COX15: variants seen among roughly 807,000 people sequenced by gnomAD.
COX15 encodes cytochrome c oxidase assembly factor COX15.
A neutral mutation model predicts 51.9 loss-of-function variants in COX15; 51 were observed. The ratio of observed to expected loss-of-function variants is 0.98; its 90% confidence interval spans 0.78 to 1.24. COX15 has a LOEUF of 1.24. COX15 is among the 50% of genes most tolerant of loss of function. The pLI is 0.00. For synonymous variants in COX15, 188 were observed against 190.5 expected (o/e 0.99, Z 0.11); for missense variants, 420 against 501.1 (o/e 0.84, Z 1.55).
intron 6 of COX15, among the ~76,000 whole-genome samples, chr10:99,719,081 CG>C (rs1344602973): frequency 6.6e-6 from 1 of 152,084 alleles, no homozygotes; most frequent in African/African-American, 2.4e-5. Flanking sequence ...TGACTGAATA[CG>C]GAAGTGAGAA....
chr10:99,704,397 C>T, the COX15 span: 1 of 1,558,144 alleles, frequency 6.4e-7, no homozygotes, highest in East Asian at 2.2e-5. Flanking sequence ...CAGTAAATGT[C>T]TCCCTTTGAA....
At chr10:99,699,086 T>C in the COX15 span, among the ~76,000 whole-genome samples, 1 of 152,232 alleles carries the variant, frequency 6.6e-6, no homozygotes, top group Non-Finnish European at 1.5e-5. Flanking sequence ...ATGGATGTCA[T>C]ACCACCCAAA....
rs1322226826 is a variant in COX15 at position 99,713,384 on chromosome 10, T to C, written c.*1203A>G. ...TCAGTTGCCACTGTCATCTATTATA[T>C]TAGCAATATTGGGTTGCTCCATCCT... is the stretch of plus-strand genomic sequence containing the variant. On this transcript the variant is annotated 3_prime_UTR_variant, in exon 9 of 9. Transcript: ENST00000016171. 6.2e-6 allele frequency: 10 copies of C among 1,613,904 alleles called. No homozygotes were observed. The highest frequency in any genetic ancestry group is 8.5e-6 in the Non-Finnish European group (10 of 1,179,956).
chr10:99,698,458 A>G, the COX15 span: 7 of 1,391,886 alleles, frequency 5.0e-6, no homozygotes, highest in Non-Finnish European at 6.9e-6. Flanking sequence ...TTTCTGATGC[A>G]CATTGTGTTT....
In COX15 at chr10:99,716,431, G is replaced by C. The variant is rs1417416455; in HGVS notation, c.1018C>G (p.Leu340Val). The C allele has an allele frequency of 2.5e-6, 4 of 1,613,462 alleles. No homozygotes were observed. In the African/African-American group the frequency reaches 5.3e-5, roughly 22 times the overall value. Residue 340 changes from leucine to valine, a missense_variant, in exon 8 of 9, where the codon CTC becomes GTC. Leu to Val is a conservative substitution (Grantham distance 32). Coordinates refer to ENST00000016171, the MANE Select transcript of COX15 (RefSeq NM_078470.6). ...GITSVTAITVLYFLSRRIPLP... is the reference protein window; with the variant it reads ...GITSVTAITVVYFLSRRIPLP... ...GGAATTCTCCGAGAGAGGAAGTAGA[G>C]CACTGTAATGGCAGTGACTGAAGTG...
downstream of COX15, chr10:99,710,758 G>A (rs1478638956): frequency 3.0e-6 from 3 of 985,360 alleles, no homozygotes; most frequent in Non-Finnish European, 3.6e-6. Flanking sequence ...GATTATCAGT[G>A]TTGATCTCTG....
the COX15 span, among the ~76,000 whole-genome samples, chr10:99,694,381 G>A: frequency 8.9e-4 from 135 of 152,216 alleles, 1 homozygote; most frequent in Non-Finnish European, 7.2e-4. Flanking sequence ...CCTTTTTAAT[G>A]GCTAAACAGC....
At position 99,718,421 on chromosome 10, in the gene COX15, G is replaced by T. The variant is rs775588575; in HGVS notation, c.912C>A (p.Asp304Glu). 3 of 1,614,058 alleles carry T rather than the reference G, an allele frequency of 1.9e-6. No homozygotes were observed. Among genetic ancestry groups the T allele is most frequent in the South Asian group, 2.2e-5 (2 of 91,080 alleles). The change falls in exon 7 of 9, where the codon GAC becomes GAA. Residue 304 changes from aspartate (D) to glutamate (E), a missense_variant. Physicochemically the swap from Asp to Glu is conservative, Grantham distance 45. Transcript: ENST00000016171. ...PKMGESWIPE[D>E]LFTFSPILRN... ...TCAGGATGGGGGAGAAGGTAAAGAG[G>T]TCCTCCGGGATCCAGGATTCTCCCA...
chr10:99,726,620 G>T (rs993348170), intron 4 of COX15, among the ~76,000 whole-genome samples: 1 of 152,132 alleles, frequency 6.6e-6, no homozygotes, highest in Non-Finnish European at 1.5e-5. Context: ...GGGCGCAGTG[G>T]CTCACACCTG....
intron 7 of COX15, among the ~76,000 whole-genome samples, chr10:99,718,142 C>T (rs1387671489): frequency 2.3e-5 from 3 of 132,020 alleles, no homozygotes; most frequent in Non-Finnish European, 3.1e-5. Context: ...TAGAATTTGG[C>T]TGGGGTTGGG....
rs1333696956 is a variant in COX15 at position 99,714,382 on chromosome 10, T to C, written c.*205A>G. ...ACTGATTTTCAACATGAAAAGCAGA[T>C]TTAAAAGGGAACATTTAGGGTAACC... On this transcript the variant is annotated 3_prime_UTR_variant, in exon 9 of 9. Transcript: ENST00000016171. The C allele has an allele frequency of 1.4e-6, 2 of 1,388,976 alleles. No homozygotes were observed. The highest frequency in any genetic ancestry group is 1.9e-6 in the Non-Finnish European group (2 of 1,070,962). 86.0% of individuals were successfully genotyped at this position (1,388,976 alleles called of 1,614,324 possible).
the COX15 span, chr10:99,702,465 A>C: frequency 3.4e-6 from 5 of 1,458,084 alleles, no homozygotes; most frequent in East Asian, 5.0e-5. Context: ...GGAAAGTATT[A>C]GAATTCTTTT....
At chr10:99,726,843 G>A (rs999624131) in intron 4 of COX15, 125 bp downstream of exon 4, 58 of 910,358 alleles carry the variant, frequency 6.4e-5, no homozygotes, top group Middle Eastern at 3.4e-4. Context: ...CCGAGATCAC[G>A]CGCCACTGCA....
intron 1 of COX15, among the ~76,000 whole-genome samples, chr10:99,731,085 G>T (rs992991867): frequency 2.6e-4 from 40 of 152,004 alleles, no homozygotes; most frequent in African/African-American, 9.4e-4. Flanking sequence ...TAGAGAAAAA[G>T]ATTTTTTTTT....
the COX15 span, chr10:99,702,536 G>A: frequency 6.3e-7 from 1 of 1,598,264 alleles, no homozygotes; most frequent in Non-Finnish European, 8.5e-7. Flanking sequence ...AATCGGCTTG[G>A]ATGTACCAAG....
At position 99,714,683 on chromosome 10, in the gene COX15, G is replaced by A. The variant is rs1046849453; in HGVS notation, c.1137C>T (p.Val379=). 1 of 1,613,942 alleles carries A rather than the reference G, an allele frequency of 6.2e-7. No homozygotes were observed. The highest frequency in any genetic ancestry group is 8.5e-7 in the Non-Finnish European group (1 of 1,180,020). Residue 379 remains valine (V), a synonymous_variant, in exon 9 of 9, where the codon GTC becomes GTT. Coordinates refer to ENST00000016171, the MANE Select transcript of COX15 (RefSeq NM_078470.6). ...GLGISTLLMY[V]PTPLAATHQS... Reference sequence around the variant, plus strand: ...GGTGAGTGGCGGCCAGAGGAGTTGGGACATACATCAGCAGCGTGCTGATGC... The same window carrying A: ...GGTGAGTGGCGGCCAGAGGAGTTGGAACATACATCAGCAGCGTGCTGATGC...
intron 4 of COX15, 151 bp downstream of exon 4, chr10:99,726,817 C>T (rs1317102149): frequency 1.2e-5 from 9 of 720,430 alleles, no homozygotes; most frequent in South Asian, 5.2e-5. Context: ...ACCTGGGAGG[C>T]GGAGCTTGCA....
At chr10:99,698,437 G>C in the COX15 span, 1 of 1,186,450 alleles carries the variant, frequency 8.4e-7, no homozygotes, top group Non-Finnish European at 1.2e-6. Flanking sequence ...ATGAAAACCA[G>C]TAGTAAGATA....
chr10:99,695,799 G>A, the COX15 span, among the ~76,000 whole-genome samples: 2 of 152,072 alleles, frequency 1.3e-5, no homozygotes, highest in African/African-American at 4.8e-5. Flanking sequence ...TTGTCATTTT[G>A]TGTCTTTGTT....
Sources: allele counts gnomAD v4.1 joint callset (sites outside exome capture counted in the v4.1 genomes callset), GRCh38; gene constraint gnomAD v4.1.1; transcripts MANE v1.5; gene names NCBI Gene and HGNC (gene_info 2026-07-23, HGNC 2026-07-21).